Variants in MCF2 observed in about 807,000 individuals in gnomAD.
The protein encoded by MCF2 is MCF.2 cell line derived transforming sequence.
A neutral mutation model predicts 82.5 loss-of-function variants in MCF2; 44 were observed. That is an observed-to-expected ratio of 0.53 (90% CI 0.42 to 0.69). The LOEUF is 0.69. Among genes scored for constraint, MCF2 ranks in the 30% least tolerant of loss-of-function variants. The probability of loss-of-function intolerance (pLI) is 0.00; values close to 1 mark genes in which losing one functional copy is unlikely to be tolerated. For synonymous variants in MCF2, 217 were observed against 224.9 expected, an observed-to-expected ratio of 0.96 and a Z score of 0.32; for missense variants, 623 against 663.1, an observed-to-expected ratio of 0.94 and a Z score of 0.66.
chrX:139,622,503 G>A (rs970422358), intron 6 of MCF2, among the ~76,000 whole-genome samples: 8 of 111,661 alleles, frequency 7.2e-5, no homozygotes, highest in Non-Finnish European at 1.3e-4. Flanking sequence ...ACGATAGAGT[G>A]GATTAAGAAA....
At chrX:139,599,761 A>G (rs946324806) in intron 16 of MCF2, among the ~76,000 whole-genome samples, 5 of 111,830 alleles carry the variant, frequency 4.5e-5, no homozygotes, top group Non-Finnish European at 9.4e-5. Flanking sequence ...CAGTTTCTCA[A>G]AAAGTTAAAT....
At chrX:139,701,002 G>C (rs989203348) in intron 1 of MCF2, among the ~76,000 whole-genome samples, 1 of 111,293 alleles carries the variant, frequency 9.0e-6, no homozygotes, top group South Asian at 3.8e-4. Context: ...AGTCCCTCCT[G>C]CCTCCCCAGA....
intron 1 of MCF2, among the ~76,000 whole-genome samples, chrX:139,653,637 T>C (rs1303013399): frequency 9.0e-6 from 1 of 111,500 alleles, no homozygotes. Flanking sequence ...TTAGCTGCTC[T>C]GTAATTTTCA....
Position 139,596,951 on chromosome X carries a change from G to T in MCF2, c.2056-181C>A, listed in dbSNP as rs1299344489. ...CCACATAAGTACAAAATTACTGTGGGGGTGGGGGACAAAAGAAACTTCCTT... is the reference window on the plus strand; with the variant it reads ...CCACATAAGTACAAAATTACTGTGGTGGTGGGGGACAAAAGAAACTTCCTT... On this transcript the variant is annotated intron_variant, in intron 18 of 24. Coordinates refer to ENST00000370576, the Ensembl canonical transcript of MCF2. 3.6e-5 allele frequency among the ~76,000 whole-genome samples: 4 copies of T among 110,774 alleles called. No homozygotes were observed. In the Admixed American group the frequency reaches 3.9e-4, roughly 11 times the overall value.
At chrX:139,667,907 G>A (rs1388939234) in intron 1 of MCF2, among the ~76,000 whole-genome samples, 2 of 112,108 alleles carry the variant, frequency 1.8e-5, no homozygotes, top group African/African-American at 6.5e-5. Flanking sequence ...TGTAATGCTA[G>A]TGCTTTGGGA....
At chrX:139,646,890 CT>C, upstream of MCF2, 1 of 1,137,382 alleles carries the variant, frequency 8.8e-7, no homozygotes, top group South Asian at 2.0e-5. Context: ...AAGCATTGTC[CT>C]TTCCCCGGCC....
intron 1 of MCF2, among the ~76,000 whole-genome samples, chrX:139,664,260 C>T (rs746737983): frequency 9.1e-6 from 1 of 110,196 alleles, no homozygotes; most frequent in African/African-American, 3.3e-5. Context: ...GCCTCGGCCT[C>T]CCAAGGTGCT....
chrX:139,639,508 A>T (rs1192250394), intron 1 of MCF2, among the ~76,000 whole-genome samples: 1 of 110,873 alleles, frequency 9.0e-6, no homozygotes, highest in Non-Finnish European at 1.9e-5. Context: ...CAGGCTCTTC[A>T]AGGTAACGAG....
intron 1 of MCF2, among the ~76,000 whole-genome samples, chrX:139,671,944 G>A (rs1934710680): frequency 1.8e-5 from 2 of 111,883 alleles, no homozygotes; most frequent in South Asian, 7.6e-4. Context: ...TCCTATCCAT[G>A]AGCTTGGAAT....
At chrX:139,691,813 T>C (rs1469960952) in intron 1 of MCF2, 1 of 673,231 alleles carries the variant, frequency 1.5e-6, no homozygotes, top group Non-Finnish European at 2.3e-6. Flanking sequence ...GGGTGTGGAC[T>C]GGAAAATAAA....
intron 6 of MCF2, among the ~76,000 whole-genome samples, chrX:139,623,792 A>G (rs1377006125): frequency 1.8e-5 from 2 of 111,997 alleles, no homozygotes; most frequent in Non-Finnish European, 3.8e-5. Context: ...ATAAAGAAAT[A>G]AATGGAGAGA....
At chrX:139,605,144 A>T in intron 13 of MCF2, among the ~76,000 whole-genome samples, 160 bp from the exon 18 acceptor site, 1 of 98,748 alleles carries the variant, frequency 1.0e-5, no homozygotes. Flanking sequence ...TACTTCCCAA[A>T]GTTATCCATG....
rs1024907457 is a variant in MCF2, at chrX:139,612,063, G to A, written c.1364-1725C>T. Among the ~76,000 whole-genome samples, 3 of 110,184 alleles carry A rather than the reference G, an allele frequency of 2.7e-5. No individual in the cohort carries two copies. In the Admixed American group the frequency reaches 2.9e-4, roughly 11 times the overall value. On this transcript the variant is annotated intron_variant, in intron 10 of 24. Coordinates refer to ENST00000370576, the Ensembl canonical transcript of MCF2. ...TGATGTTAGCTCGGATTAGGAAAGT[G>A]GCAGTAAGGATAGCAGTGGGGATGA...
In MCF2 at chrX:139,686,343, C is replaced by T. The variant is rs112488337; in HGVS notation, c.-45+21763G>A. On this transcript the variant is annotated intron_variant, in intron 1 of 27. Transcript: ENST00000414978. The stretch of plus-strand genomic sequence containing the variant: ...AAGTCAAATTATCCCTGTTTGCAGA[C>T]GACATGATTCTATATTAAAAATACA... Among the ~76,000 whole-genome samples, 345 of 111,220 alleles carry T rather than the reference C, an allele frequency of 3.1e-3. 2 individuals carry two copies. The highest frequency in any genetic ancestry group is 0.011 in the African/African-American group (333 of 30,613).
At position 139,602,505 on chromosome X, in the gene MCF2, T is replaced by TA. The variant is rs773571108; in HGVS notation, c.1744-8dup. 2.7e-6 allele frequency: 3 copies of TA among 1,117,006 alleles called. No individual in the cohort carries two copies. Among genetic ancestry groups the TA allele is most frequent in the South Asian group, 1.9e-5 (1 of 52,577 alleles). The allele number at this position is 1,117,006 out of a possible 1,213,427, so 92.1% of individuals were successfully genotyped here. Reference sequence around the variant, plus strand: ...ACATCTGAAAATCATCCTTCTGTGATAAAAAACAAATTCAAATGTATTACT... The same window carrying TA: ...ACATCTGAAAATCATCCTTCTGTGATAAAAAAACAAATTCAAATGTATTACT... On this transcript the variant is annotated splice_region_variant and splice_polypyrimidine_tract_variant and intron_variant, in intron 15 of 24. Coordinates refer to ENST00000370576, the Ensembl canonical transcript of MCF2.
At chrX:139,690,459 C>T (rs900783370) in intron 1 of MCF2, among the ~76,000 whole-genome samples, 5 of 107,120 alleles carry the variant, frequency 4.7e-5, no homozygotes, top group Admixed American at 4.1e-4. Context: ...TTTGTAGTCT[C>T]CAAAAACTAT....
chrX:139,604,889 T>C (rs1268841121), exon 14 of MCF2: 1 of 1,182,637 alleles, frequency 8.5e-7, no homozygotes, highest in African/African-American at 1.7e-5. Flanking sequence ...ATTCATATAT[T>C]TCTGCCATGT....
chrX:139,610,429 G>C (rs1239856401), intron 10 of MCF2, 91 bp from the exon 15 acceptor site: 20 of 507,832 alleles, frequency 3.9e-5, no homozygotes, highest in Non-Finnish European at 6.0e-5. Context: ...AATAACTTGA[G>C]TTAATATTCC....
At chrX:139,641,129 T>C (rs934032090) in intron 1 of MCF2, among the ~76,000 whole-genome samples, 11 of 108,049 alleles carry the variant, frequency 1.0e-4, no homozygotes, top group Admixed American at 2.0e-4. Context: ...TGTATATTAA[T>C]GCATGTGTAT....
Sources: allele counts gnomAD v4.1 joint callset (sites outside exome capture counted in the v4.1 genomes callset), GRCh38; gene constraint gnomAD v4.1.1; transcripts MANE v1.5; gene names NCBI Gene and HGNC (gene_info 2026-07-23, HGNC 2026-07-21).